Variants in MACROD2 observed in about 807,000 individuals in gnomAD.
MACROD2 encodes the protein ADP-ribose glycohydrolase MACROD2.
MACROD2 carries 36 observed loss-of-function variants against 70.4 expected under a neutral mutation model. The observed-to-expected ratio is 0.51, with a 90% CI of 0.39 to 0.68. MACROD2 has a LOEUF of 0.68. Ranked by LOEUF, MACROD2 falls within the 30% of genes least tolerant of loss-of-function variation. The pLI, the probability that MACROD2 is intolerant of heterozygous loss-of-function variation, is 0.00. For synonymous variants in MACROD2, 172 were observed against 178.8 expected (o/e 0.96, Z 0.30); for missense variants, 496 against 538.4 (o/e 0.92, Z 0.78).
intron 8 of MACROD2, among the ~76,000 whole-genome samples, chr20:15,652,437 A>G (rs2049659264): frequency 6.6e-6 from 1 of 152,158 alleles, no homozygotes; most frequent in African/African-American, 2.4e-5. Flanking sequence ...AGGAGAACAG[A>G]AAAGTTTACT....
chr20:15,832,847 G>A (rs778728472), intron 8 of MACROD2, among the ~76,000 whole-genome samples: 16 of 152,108 alleles, frequency 1.1e-4, no homozygotes, highest in Non-Finnish European at 2.2e-4. Context: ...TAACCTTTCC[G>A]TAACATGGAA....
intron 3 of MACROD2, among the ~76,000 whole-genome samples, chr20:14,430,190 C>T (rs2083979394): frequency 1.3e-5 from 2 of 152,144 alleles, no homozygotes; most frequent in African/African-American, 4.8e-5. Context: ...TTAGTCAGGT[C>T]ACAAGGAACT....
intron 5 of MACROD2, among the ~76,000 whole-genome samples, chr20:14,929,203 C>G (rs1309034659): frequency 2.0e-5 from 3 of 152,078 alleles, no homozygotes; most frequent in Non-Finnish European, 4.4e-5. Context: ...AGCACAGACC[C>G]CACAGTTTAA....
rs529203758 is a variant in MACROD2, at chr20:14,634,935, T to C, written c.302-49908T>C. 2.0e-5 allele frequency among the ~76,000 whole-genome samples: 3 copies of C among 152,262 alleles called. No homozygotes were observed. The South Asian group carries it at 6.2e-4, about 32-fold the overall frequency. ...TCTCAATCCCTTCATGTCTGGGCAA[T>C]CTGCAGGGAGAACTTTTGTTCTAGT... On this transcript the variant is annotated intron_variant, in intron 4 of 17. Coordinates refer to ENST00000684519, the MANE Select transcript of MACROD2 (RefSeq NM_001351661.2).
At chr20:15,049,088 AAAAG>A (rs1196448190) in intron 5 of MACROD2, among the ~76,000 whole-genome samples, 6 of 152,092 alleles carry the variant, frequency 3.9e-5, no homozygotes, top group Non-Finnish European at 7.4e-5. Context: ...TTTAATGTCC[AAAAG>A]AAAGAACATT....
chr20:14,902,599 T>A (rs138998132), intron 5 of MACROD2, among the ~76,000 whole-genome samples: 1 of 152,080 alleles, frequency 6.6e-6, no homozygotes, highest in South Asian at 2.1e-4. Flanking sequence ...GAGAGCCAAT[T>A]TGTGGTCAGG....
intron 5 of MACROD2, among the ~76,000 whole-genome samples, chr20:14,815,120 C>T (rs2072759274): frequency 6.6e-6 from 1 of 151,854 alleles, no homozygotes; most frequent in African/African-American, 2.4e-5. Context: ...TCCTACAGTC[C>T]CCTAAAAATT....
intron 8 of MACROD2, among the ~76,000 whole-genome samples, chr20:15,839,989 G>A (rs572848073): frequency 6.6e-6 from 1 of 152,228 alleles, no homozygotes; most frequent in East Asian, 1.9e-4. Context: ...ATATTAATAA[G>A]TTAATTTATA....
At chr20:15,542,764 G>A (rs1031740351) in intron 8 of MACROD2, among the ~76,000 whole-genome samples, 4 of 152,136 alleles carry the variant, frequency 2.6e-5, no homozygotes, top group African/African-American at 9.7e-5. Context: ...TAAAAATAGG[G>A]GTTTTGACCT....
intron 4 of MACROD2, among the ~76,000 whole-genome samples, chr20:14,558,978 G>C (rs370042325): frequency 1.3e-5 from 2 of 151,594 alleles, no homozygotes; most frequent in East Asian, 1.9e-4. Context: ...CACACACACA[G>C]ACACAAAGAT....
chr20:15,881,249 G>T (rs1168008508), intron 9 of MACROD2, among the ~76,000 whole-genome samples: 1 of 152,106 alleles, frequency 6.6e-6, no homozygotes, highest in Non-Finnish European at 1.5e-5. Context: ...CAGTATTGCA[G>T]TAGAGAAAGA....
At chr20:14,770,508 C>T (rs1463374399) in intron 5 of MACROD2, among the ~76,000 whole-genome samples, 2 of 152,046 alleles carry the variant, frequency 1.3e-5, no homozygotes, top group Admixed American at 1.3e-4. Context: ...CGTAGATTTA[C>T]ACTTTTTGAG....
At chr20:14,153,871 G>A (rs1272970949) in intron 3 of MACROD2, among the ~76,000 whole-genome samples, 1 of 152,158 alleles carries the variant, frequency 6.6e-6, no homozygotes, top group Non-Finnish European at 1.5e-5. Context: ...TATTTATGTA[G>A]TATCAGAAAG....
chr20:14,448,677 AAAG>A (rs2084211451), intron 3 of MACROD2, among the ~76,000 whole-genome samples: 1 of 151,594 alleles, frequency 6.6e-6, no homozygotes, highest in African/African-American at 2.4e-5. Flanking sequence ...CAGAAAAAAA[AAAG>A]AAAGAAAGAA....
intron 4 of MACROD2, among the ~76,000 whole-genome samples, chr20:14,679,695 A>T (rs113897736): frequency 0.012 from 1,845 of 152,116 alleles, 16 homozygotes; most frequent in Non-Finnish European, 0.021. Flanking sequence ...TTTTGAGCAT[A>T]GAATTGATAC....
chr20:14,464,350 A>T (rs901416606), intron 3 of MACROD2, among the ~76,000 whole-genome samples: 2 of 152,052 alleles, frequency 1.3e-5, no homozygotes, highest in Non-Finnish European at 2.9e-5. Flanking sequence ...CTCTGATTGT[A>T]GTTTGTATTT....
chr20:15,282,282 T>G (rs1469375152), intron 6 of MACROD2, among the ~76,000 whole-genome samples: 1 of 152,252 alleles, frequency 6.6e-6, no homozygotes. Flanking sequence ...TCGTTACTTA[T>G]GCAAATTTCT....
intron 7 of MACROD2, among the ~76,000 whole-genome samples, chr20:15,479,579 C>G (rs1436169958): frequency 1.3e-5 from 2 of 152,142 alleles, no homozygotes; most frequent in Non-Finnish European, 2.9e-5. Context: ...GGCCTAGATT[C>G]TCTCTCTTAA....
intron 7 of MACROD2, among the ~76,000 whole-genome samples, chr20:15,449,449 A>G (rs2046611765): frequency 6.6e-6 from 1 of 152,186 alleles, no homozygotes; most frequent in Non-Finnish European, 1.5e-5. Flanking sequence ...GTAAAGCAAT[A>G]TAAAAAGTCA....
Sources: allele counts gnomAD v4.1 joint callset (sites outside exome capture counted in the v4.1 genomes callset), GRCh38; gene constraint gnomAD v4.1.1; transcripts MANE v1.5; gene names NCBI Gene and HGNC (gene_info 2026-07-23, HGNC 2026-07-21).